Variants in WDR7 observed in about 807,000 individuals in gnomAD.
The protein encoded by WDR7 is WD repeat-containing protein 7.
WDR7 carries 46 observed loss-of-function variants against 169.4 expected under a neutral mutation model. The ratio of observed to expected loss-of-function variants is 0.27; its 90% CI spans 0.21 to 0.35. The LOEUF is 0.35. Among genes scored for constraint, WDR7 ranks in the 10% least tolerant of loss-of-function variants. The probability of loss-of-function intolerance (pLI) is 1.00; values close to 1 mark genes in which losing one functional copy is unlikely to be tolerated. For missense variants in WDR7, 1,534 were observed against 1,859.3 expected, an observed-to-expected ratio of 0.83 and a Z score of 3.22; for synonymous variants, 612 against 666.8, an observed-to-expected ratio of 0.92 and a Z score of 1.27.
At chr18:56,664,816 A>G (rs2024982240) in intron 1 of WDR7, among the ~76,000 whole-genome samples, 1 of 152,220 alleles carries the variant, frequency 6.6e-6, no homozygotes, top group Non-Finnish European at 1.5e-5. Flanking sequence ...GGTATGCATC[A>G]GGCATTTGGA....
rs1259932891 is a variant in WDR7, at chr18:57,027,231, G to A, written c.*24G>A. 3.1e-6 allele frequency: 5 copies of A among 1,592,250 alleles called. No homozygotes were observed. Among genetic ancestry groups the A allele is most frequent in the Non-Finnish European group, 1.7e-6 (2 of 1,170,762 alleles). ...AATGCTGCTGCCTGCCGCCGTGACT[G>A]CGTTTTAGTTCTCTAAATTATCCAA... is the stretch of plus-strand genomic sequence containing the variant. On this transcript the variant is annotated 3_prime_UTR_variant, in exon 28 of 28. Transcript: ENST00000254442.
chr18:57,003,640 G>A (rs909519292), intron 26 of WDR7, among the ~76,000 whole-genome samples: 1 of 152,010 alleles, frequency 6.6e-6, no homozygotes, highest in Non-Finnish European at 1.5e-5. Flanking sequence ...TAAATTAGAT[G>A]CAAAATGTAA....
At chr18:56,970,067 A>G (rs2047461892) in intron 26 of WDR7, among the ~76,000 whole-genome samples, 1 of 152,168 alleles carries the variant, frequency 6.6e-6, no homozygotes, top group Non-Finnish European at 1.5e-5. Context: ...TGTTATAAAT[A>G]TATGTAAAAT....
chr18:57,023,197 C>A (rs185674634), intron 27 of WDR7, among the ~76,000 whole-genome samples: 276 of 152,244 alleles, frequency 1.8e-3, no homozygotes, highest in Non-Finnish European at 2.5e-3. Context: ...AATTAAGAGT[C>A]CAAAAAACAG....
At chr18:56,718,945 G>A (rs889443948) in intron 13 of WDR7, among the ~76,000 whole-genome samples, 5 of 152,096 alleles carry the variant, frequency 3.3e-5, no homozygotes, top group Admixed American at 2.6e-4. Context: ...ACTATTGTGC[G>A]AACGGGAGTT....
At chr18:56,767,650 G>A (rs2044088091) in intron 16 of WDR7, among the ~76,000 whole-genome samples, 1 of 152,140 alleles carries the variant, frequency 6.6e-6, no homozygotes, top group Admixed American at 6.5e-5. Flanking sequence ...GCCAGAAGTG[G>A]AAGTTCCTTT....
Position 57,009,846 on chromosome 18 carries a change from C to T in WDR7, c.4165-10899C>T, listed in dbSNP as rs145201249. The stretch of plus-strand genomic sequence containing the variant: ...CAATTTTGTGTCACCAGGCACTATA[C>T]CAGGCAAAGGAGAGGTGACAAAGGA... On this transcript the variant is annotated intron_variant, in intron 26 of 27. Transcript: ENST00000254442. 2.6e-4 allele frequency: 261 copies of T among 985,348 alleles called. 2 individuals carry two copies. The African/African-American group carries it at 4.2e-3, about 16-fold the overall frequency. The allele number at this position is 985,348 out of a possible 1,614,324, so 61.0% of individuals were successfully genotyped here.
intron 1 of WDR7, among the ~76,000 whole-genome samples, chr18:56,669,934 TG>T (rs2144508640): frequency 1.3e-5 from 2 of 152,310 alleles, no homozygotes; most frequent in Admixed American, 1.3e-4. Context: ...TGAATGCTGA[TG>T]GCTGAAAAAC....
chr18:56,737,484 GA>G (rs2026725995), intron 14 of WDR7, among the ~76,000 whole-genome samples: 1 of 152,238 alleles, frequency 6.6e-6, no homozygotes, highest in East Asian at 1.9e-4. Context: ...ATTTATAGGG[GA>G]AAATGATGAG....
chr18:56,682,794 C>T lies in WDR7; in HGVS notation c.461C>T (p.Ser154Leu). The change falls in exon 5 of 28, where the codon TCA becomes TTA. Residue 154 changes from serine (S) to leucine (L), a missense_variant. Coordinates refer to ENST00000254442, the MANE Select transcript of WDR7 (RefSeq NM_015285.3). ...TSLEVLYSLV[S>L]KISPDWISSM... ...CTTGAAGTATTATACTCCTTAGTATCAAAGATATCACCAGACTGGATTAGC... is the reference window on the plus strand; with the variant it reads ...CTTGAAGTATTATACTCCTTAGTATTAAAGATATCACCAGACTGGATTAGC... 6 of 1,613,812 alleles carry T rather than the reference C, an allele frequency of 3.7e-6. No individual in the cohort carries two copies. Among genetic ancestry groups the T allele is most frequent in the Non-Finnish European group, 5.1e-6 (6 of 1,179,788 alleles).
chr18:56,855,074 A>G (rs1362048756), intron 20 of WDR7, among the ~76,000 whole-genome samples: 1 of 152,202 alleles, frequency 6.6e-6, no homozygotes, highest in Non-Finnish European at 1.5e-5. Context: ...GATGCTATTG[A>G]TCTACATTCT....
At chr18:56,987,470 G>C (rs1042209970) in intron 26 of WDR7, among the ~76,000 whole-genome samples, 2 of 152,076 alleles carry the variant, frequency 1.3e-5, no homozygotes, top group Non-Finnish European at 2.9e-5. Context: ...ACTCCATCTT[G>C]ATAATGGACT....
At chr18:56,972,305 C>T (rs2047500161) in intron 26 of WDR7, among the ~76,000 whole-genome samples, 1 of 152,162 alleles carries the variant, frequency 6.6e-6, no homozygotes, top group Admixed American at 6.5e-5. Context: ...TTAGGAGGAG[C>T]AGTGGACCTT....
intron 12 of WDR7, among the ~76,000 whole-genome samples, chr18:56,716,902 AC>A (rs1179500141): frequency 6.6e-6 from 1 of 152,068 alleles, no homozygotes; most frequent in Non-Finnish European, 1.5e-5. Flanking sequence ...CCTTTTTTTC[AC>A]CTAATACCTA....
intron 20 of WDR7, among the ~76,000 whole-genome samples, chr18:56,836,691 G>A: frequency 6.6e-6 from 1 of 152,082 alleles, no homozygotes; most frequent in East Asian, 1.9e-4. Context: ...TGAACACAAA[G>A]GATGATTTTA....
chr18:57,015,088 T>G (rs1010729092), intron 26 of WDR7, among the ~76,000 whole-genome samples: 1 of 152,204 alleles, frequency 6.6e-6, no homozygotes. Context: ...TCAGGGGAGA[T>G]GTGGGAATCT....
chr18:56,651,856 T>C (rs594801), intron 1 of WDR7: 143,928 of 152,374 alleles, frequency 0.94, 68,496 homozygotes, highest in East Asian at 1. Context: ...GACTGCCTGG[T>C]TCCCAGGTGC....
chr18:56,935,418 T>C (rs1466740460), intron 22 of WDR7, among the ~76,000 whole-genome samples: 1 of 152,264 alleles, frequency 6.6e-6, no homozygotes, highest in Non-Finnish European at 1.5e-5. Context: ...AATATGGCTT[T>C]ATAAATAAAT....
At chr18:56,814,146 A>G (rs573479237) in intron 19 of WDR7, among the ~76,000 whole-genome samples, 19 of 152,308 alleles carry the variant, frequency 1.2e-4, no homozygotes, top group African/African-American at 4.1e-4. Context: ...ATGTTGAACA[A>G]TTACTTAGCC....
Sources: allele counts gnomAD v4.1 joint callset (sites outside exome capture counted in the v4.1 genomes callset), GRCh38; gene constraint gnomAD v4.1.1; transcripts MANE v1.5; gene names NCBI Gene and HGNC (gene_info 2026-07-23, HGNC 2026-07-21).